The following ETV1 variants were observed in gnomAD, a reference collection of about 807,000 sequenced individuals.
ETV1 encodes ETS translocation variant 1.
In ETV1, 27 loss-of-function variants were observed where a neutral mutation model predicts 62.3. That is an observed-to-expected ratio of 0.43 (90% CI 0.32 to 0.60). ETV1 has a LOEUF of 0.60. ETV1 is among the 20% of genes least tolerant of loss of function. ETV1 has a pLI of 0.06. For missense variants in ETV1, 605 were observed against 605.8 expected (o/e 1.00, Z 0.01); for synonymous variants, 222 against 199.6 (o/e 1.11, Z -0.94).
chr7:13,961,753 C>T (rs552603904), intron 6 of ETV1, among the ~76,000 whole-genome samples: 2 of 152,272 alleles, frequency 1.3e-5, no homozygotes, highest in African/African-American at 2.4e-5. Context: ...ATAGTAGGGT[C>T]TGTATTACAA....
chr7:13,971,047 C>A (rs1158620866), intron 6 of ETV1, among the ~76,000 whole-genome samples: 1 of 152,128 alleles, frequency 6.6e-6, no homozygotes, highest in African/African-American at 2.4e-5. Context: ...TCTTGGCTCA[C>A]GGCAACCTCT....
chr7:13,985,140 A>C (rs1225714423), intron 5 of ETV1, among the ~76,000 whole-genome samples: 1 of 152,018 alleles, frequency 6.6e-6, no homozygotes, highest in Non-Finnish European at 1.5e-5. Context: ...GAAGCAAATA[A>C]ATTCTCTCAT....
At chr7:13,941,796 C>A (rs371009663) in intron 6 of ETV1, among the ~76,000 whole-genome samples, 1 of 150,888 alleles carries the variant, frequency 6.6e-6, no homozygotes, top group Non-Finnish European at 1.5e-5. Context: ...CTTGAACCCG[C>A]GAAGCAGAGT....
chr7:13,985,454 T>C (rs963510946), intron 5 of ETV1: 3 of 152,152 alleles, frequency 2.0e-5, no homozygotes, highest in African/African-American at 4.8e-5. Context: ...TTTGGAGAAC[T>C]AGACTATCAG....
intron 6 of ETV1, among the ~76,000 whole-genome samples, chr7:13,942,992 A>T (rs542071989): frequency 5.3e-5 from 8 of 152,348 alleles, no homozygotes; most frequent in African/African-American, 1.9e-4. Flanking sequence ...TTAGGCTTCA[A>T]TGAAATTAAG....
intron 6 of ETV1, among the ~76,000 whole-genome samples, chr7:13,951,703 C>T (rs1036724071): frequency 9.2e-5 from 14 of 152,242 alleles, no homozygotes; most frequent in Admixed American, 9.2e-4. Flanking sequence ...TACTCAGTTT[C>T]CCCTTTTGTA....
At chr7:13,943,424 T>TG (rs1787791102) in intron 6 of ETV1, among the ~76,000 whole-genome samples, 1 of 152,160 alleles carries the variant, frequency 6.6e-6, no homozygotes. Flanking sequence ...GCTGAGGGTA[T>TG]GGATTAGTAT....
chr7:13,937,809 A>G (rs558175615), intron 7 of ETV1, among the ~76,000 whole-genome samples: 28 of 152,334 alleles, frequency 1.8e-4, no homozygotes, highest in South Asian at 6.2e-4. Flanking sequence ...AAAACTTTGC[A>G]GTTTCAATTG....
At chr7:13,954,312 G>C (rs1025627532) in intron 6 of ETV1, among the ~76,000 whole-genome samples, 2 of 152,090 alleles carry the variant, frequency 1.3e-5, no homozygotes, top group Non-Finnish European at 2.9e-5. Flanking sequence ...TCTAAATTTA[G>C]AATTCATCTC....
intron 6 of ETV1, among the ~76,000 whole-genome samples, chr7:13,965,469 A>G (rs1177820294): frequency 6.6e-6 from 1 of 152,034 alleles, no homozygotes; most frequent in Non-Finnish European, 1.5e-5. Flanking sequence ...TTTTTTCAGA[A>G]TAGAAACAGT....
chr7:13,962,057 TTA>T (rs1363546092), intron 6 of ETV1, among the ~76,000 whole-genome samples: 3 of 152,078 alleles, frequency 2.0e-5, no homozygotes, highest in African/African-American at 7.2e-5. Flanking sequence ...ATTATGAATG[TTA>T]TGTTTTGTGT....
intron 8 of ETV1, among the ~76,000 whole-genome samples, chr7:13,932,732 A>G (rs1269388791): frequency 6.6e-6 from 1 of 152,354 alleles, no homozygotes; most frequent in Non-Finnish European, 1.5e-5. Flanking sequence ...AAAATGCCCC[A>G]GGAGTGCTTA....
chr7:13,972,866 T>C (rs1313809959), intron 6 of ETV1, among the ~76,000 whole-genome samples: 1 of 152,146 alleles, frequency 6.6e-6, no homozygotes, highest in Non-Finnish European at 1.5e-5. Flanking sequence ...ACTTCAGCCT[T>C]CCAAAGTGCC....
chr7:13,912,153 A>G (rs1431555102), intron 9 of ETV1, among the ~76,000 whole-genome samples: 2 of 152,172 alleles, frequency 1.3e-5, no homozygotes, highest in African/African-American at 4.8e-5. Flanking sequence ...CAGCTGGCTG[A>G]CTCTGGAGGC....
chr7:13,958,437 G>C (rs1237534143), intron 6 of ETV1, among the ~76,000 whole-genome samples: 4 of 152,070 alleles, frequency 2.6e-5, no homozygotes, highest in Admixed American at 6.6e-5. Flanking sequence ...TTAATACCTG[G>C]TCTTGTCCCA....
In ETV1 at chr7:13,950,899, A is replaced by AACACACACACAC. The variant is rs67539493; in HGVS notation, c.236-11665_236-11654dup. On this transcript the variant is annotated intron_variant, in intron 6 of 13. Coordinates refer to ENST00000430479, the MANE Select transcript of ETV1 (RefSeq NM_004956.5). The stretch of plus-strand genomic sequence containing the variant: ...AATCCAAACTGCTGGCTTCTCTAGG[A>AACACACACACAC]ACACACACACACACACACACACACA... Among the ~76,000 whole-genome samples, 586 of 138,894 alleles carry AACACACACACAC rather than the reference A, an allele frequency of 4.2e-3. 6 individuals carry two copies. Among genetic ancestry groups the AACACACACACAC allele is most frequent in the African/African-American group, 0.01 (355 of 35,452 alleles). The allele number at this position is 138,894 out of a possible 152,430, so 91.1% of individuals were successfully genotyped here.
chr7:13,964,199 G>A (rs964474219), intron 6 of ETV1, among the ~76,000 whole-genome samples: 1 of 152,120 alleles, frequency 6.6e-6, no homozygotes, highest in Non-Finnish European at 1.5e-5. Flanking sequence ...CCAAACAGCA[G>A]TAAAAGTTCA....
At chr7:13,942,293 C>G (rs1163418652) in intron 6 of ETV1, among the ~76,000 whole-genome samples, 2 of 151,952 alleles carry the variant, frequency 1.3e-5, no homozygotes, top group African/African-American at 2.4e-5. Context: ...AAAATGCTGG[C>G]ATTACAGGCA....
intron 6 of ETV1, among the ~76,000 whole-genome samples, chr7:13,974,574 T>C (rs1781225349): frequency 6.6e-6 from 1 of 152,152 alleles, no homozygotes; most frequent in African/African-American, 2.4e-5. Context: ...CAAGGCAGAA[T>C]GTAGGTGTGT....
Sources: allele counts gnomAD v4.1 joint callset (sites outside exome capture counted in the v4.1 genomes callset), GRCh38; gene constraint gnomAD v4.1.1; transcripts MANE v1.5; gene names NCBI Gene and HGNC (gene_info 2026-07-23, HGNC 2026-07-21).